Variants in DDAH1 observed in about 807,000 individuals in gnomAD.
The protein encoded by DDAH1 is dimethylarginine dimethylaminohydrolase 1, also known as N(G),N(G)-dimethylarginine dimethylaminohydrolase 1.
Under a neutral mutation model 28.8 loss-of-function variants are expected in DDAH1, and 19 were observed. The ratio of observed to expected loss-of-function variants is 0.66; its 90% CI spans 0.46 to 0.97. The LOEUF (loss-of-function observed/expected upper bound fraction) is 0.97. Among genes scored for constraint, DDAH1 ranks in the 50% least tolerant of loss-of-function variants. The pLI is 0.00. For synonymous variants in DDAH1, 153 were observed against 154.4 expected (o/e 0.99, Z 0.07); for missense variants, 326 against 375.9 (o/e 0.87, Z 1.10).
chr1:85,345,758 A>T (rs1052979657), intron 4 of DDAH1, among the ~76,000 whole-genome samples: 1 of 152,084 alleles, frequency 6.6e-6, no homozygotes, highest in Non-Finnish European at 1.5e-5. Flanking sequence ...CCAGTTACTC[A>T]GGAGGCTGAG....
chr1:85,372,120 T>C (rs564752515), intron 1 of DDAH1, among the ~76,000 whole-genome samples: 1 of 152,304 alleles, frequency 6.6e-6, no homozygotes. Context: ...TAATTAATTC[T>C]GAGAAGCTGC....
chr1:85,342,666 T>A (rs985893910), intron 4 of DDAH1, among the ~76,000 whole-genome samples: 2 of 152,216 alleles, frequency 1.3e-5, no homozygotes, highest in African/African-American at 4.8e-5. Flanking sequence ...TTTCTTTACT[T>A]TTACTGCTAA....
intron 1 of DDAH1, among the ~76,000 whole-genome samples, chr1:85,502,057 C>T (rs779738101): frequency 1.4e-4 from 21 of 152,286 alleles, no homozygotes; most frequent in East Asian, 3.9e-4. Flanking sequence ...CAGTCTGCTA[C>T]GCTGGAATTT....
At chr1:85,332,778 C>T (rs1647855152) in intron 4 of DDAH1, among the ~76,000 whole-genome samples, 1 of 152,168 alleles carries the variant, frequency 6.6e-6, no homozygotes. Context: ...CTCACCTTGT[C>T]TACAACAGCT....
chr1:85,432,647 A>G (rs553257), intron 1 of DDAH1, among the ~76,000 whole-genome samples: 28,387 of 152,136 alleles, frequency 0.19, 2,829 homozygotes, highest in African/African-American at 0.24. Flanking sequence ...GATAATTAAG[A>G]ATATGAATTT....
chr1:85,453,838 T>G (rs1255135487), intron 1 of DDAH1, among the ~76,000 whole-genome samples: 1 of 152,244 alleles, frequency 6.6e-6, no homozygotes, highest in Non-Finnish European at 1.5e-5. Context: ...TGAAACTAGT[T>G]ATTTCCAAGA....
At chr1:85,324,272 A>AAT (rs1647222657) in intron 5 of DDAH1, among the ~76,000 whole-genome samples, 1 of 142,258 alleles carries the variant, frequency 7.0e-6, no homozygotes, top group African/African-American at 2.6e-5. Context: ...CCTGTCTCAA[A>AAT]AATAATAATA....
chr1:85,338,088 G>A (rs910088348), intron 4 of DDAH1, among the ~76,000 whole-genome samples: 3 of 152,154 alleles, frequency 2.0e-5, no homozygotes, highest in African/African-American at 7.2e-5. Context: ...ATTCCTTCTT[G>A]TAGAATTTAG....
At chr1:85,331,444 A>C (rs1375523817) in intron 4 of DDAH1, among the ~76,000 whole-genome samples, 1 of 119,736 alleles carries the variant, frequency 8.4e-6, no homozygotes, top group Non-Finnish European at 1.9e-5. Flanking sequence ...TATATAACAT[A>C]ATGTACCCAT....
At position 85,400,177 on chromosome 1, in the gene DDAH1, CTTTTTT is replaced by C. The variant is rs61677601; in HGVS notation, c.304-41336_304-41331del. 3.0e-3 allele frequency among the ~76,000 whole-genome samples: 167 copies of C among 54,954 alleles called. 9 individuals are homozygous for C. The highest frequency in any genetic ancestry group is 5.8e-3 in the African/African-American group (109 of 18,720). 36.1% of individuals were successfully genotyped at this position (54,954 alleles called of 152,430 possible). ...TGCAGGAATTCCTTTCTTTTCTTTT[CTTTTTT>C]TTTTTTTTTTTTTTTTTTTTTTTTT... On this transcript the variant is annotated intron_variant, in intron 1 of 5. Coordinates refer to ENST00000284031, the MANE Select transcript of DDAH1 (RefSeq NM_012137.4).
chr1:85,491,514 C>A (rs1047997266), intron 2 of DDAH1, among the ~76,000 whole-genome samples: 1 of 152,148 alleles, frequency 6.6e-6, no homozygotes, highest in Admixed American at 6.5e-5. Context: ...GGAGAAAGCT[C>A]ATCTGCAAAG....
At chr1:85,371,838 C>T (rs57769466) in intron 1 of DDAH1, among the ~76,000 whole-genome samples, 6,507 of 152,216 alleles carry the variant, frequency 0.043, 488 homozygotes, top group African/African-American at 0.15. Flanking sequence ...AGTAAGGCTG[C>T]ATTTCTTTTA....
chr1:85,406,354 C>T (rs1480533450), intron 1 of DDAH1, among the ~76,000 whole-genome samples: 1 of 152,122 alleles, frequency 6.6e-6, no homozygotes, highest in Non-Finnish European at 1.5e-5. Flanking sequence ...TTTTAAGATA[C>T]ATTACATTTG....
intron 2 of DDAH1, among the ~76,000 whole-genome samples, chr1:85,478,706 C>T (rs2100713083): frequency 6.6e-6 from 1 of 152,298 alleles, no homozygotes; most frequent in East Asian, 1.9e-4. Flanking sequence ...TGTATCCTTC[C>T]TATTGTGACT....
intron 2 of DDAH1, among the ~76,000 whole-genome samples, chr1:85,472,878 T>C (rs2210073): frequency 0.82 from 125,148 of 152,070 alleles, 51,612 homozygotes; most frequent in Middle Eastern, 0.91. Flanking sequence ...TCCCCTCCTG[T>C]CTCTTTTTGG....
chr1:85,372,819 G>A (rs944537184), intron 1 of DDAH1, among the ~76,000 whole-genome samples: 1 of 151,994 alleles, frequency 6.6e-6, no homozygotes, highest in Non-Finnish European at 1.5e-5. Context: ...CCTATTTACT[G>A]TCTTTTTCCT....
chr1:85,488,073 T>C (rs1656265021), intron 2 of DDAH1, among the ~76,000 whole-genome samples: 2 of 152,052 alleles, frequency 1.3e-5, no homozygotes, highest in South Asian at 4.2e-4. Context: ...TAATCCCAGC[T>C]ACTCAGGAGG....
At chr1:85,355,908 T>C (rs760667894) in intron 2 of DDAH1, among the ~76,000 whole-genome samples, 1 of 152,222 alleles carries the variant, frequency 6.6e-6, no homozygotes, top group African/African-American at 2.4e-5. Context: ...TAAAGGTATC[T>C]TGTAGCTTTA....
intron 1 of DDAH1, among the ~76,000 whole-genome samples, chr1:85,461,493 A>G (rs1655124876): frequency 6.6e-6 from 1 of 152,188 alleles, no homozygotes; most frequent in Non-Finnish European, 1.5e-5. Context: ...CAAAACAACA[A>G]TAACAATAGA....
Sources: allele counts gnomAD v4.1 joint callset (sites outside exome capture counted in the v4.1 genomes callset), GRCh38; gene constraint gnomAD v4.1.1; transcripts MANE v1.5; gene names NCBI Gene and HGNC (gene_info 2026-07-23, HGNC 2026-07-21).